The following PDE4C variants were observed in gnomAD, a reference collection of about 807,000 sequenced individuals.
The protein encoded by PDE4C is 3',5'-cyclic-AMP phosphodiesterase 4C.
In PDE4C, 50 loss-of-function variants were observed where a neutral mutation model predicts 63.9. The observed-to-expected ratio is 0.78, with a 90% CI of 0.62 to 0.99. The LOEUF is 0.99. Ranked by LOEUF, PDE4C falls within the 50% of genes least tolerant of loss-of-function variation. The probability of loss-of-function intolerance (pLI) is 0.00; values close to 1 mark genes in which losing one functional copy is unlikely to be tolerated. For synonymous variants in PDE4C, 377 were observed against 385.1 expected, an observed-to-expected ratio of 0.98 and a Z score of 0.25; for missense variants, 777 against 899.1, an observed-to-expected ratio of 0.86 and a Z score of 1.74.
chr19:18,249,231 A>T (rs1048071831), upstream of PDE4C, among the ~76,000 whole-genome samples: 2 of 152,098 alleles, frequency 1.3e-5, no homozygotes, highest in Admixed American at 1.3e-4. Context: ...AGCTTCTCAA[A>T]GTGCTGAGAT....
At chr19:18,211,650 A>T (rs1294154473) in intron 14 of PDE4C, 109 bp downstream of exon 14, 6 of 1,274,058 alleles carry the variant, frequency 4.7e-6, no homozygotes, top group Non-Finnish European at 3.4e-6. Context: ...CCCTTCAGGC[A>T]CACTCCCTGG....
At chr19:18,242,460 AG>A (rs1191802938) in intron 1 of PDE4C, among the ~76,000 whole-genome samples, 2 of 96,470 alleles carry the variant, frequency 2.1e-5, no homozygotes, top group South Asian at 3.8e-4. Flanking sequence ...TGGGCAACAA[AG>A]GGAGACTCCA....
At chr19:18,255,302 C>T in the PDE4C span, 12 of 399,246 alleles carry the variant, frequency 3.0e-5, no homozygotes, top group South Asian at 1.3e-4. The surrounding 1 kb of genome is among the most constrained non-coding windows in gnomAD (Gnocchi z 4.6). Context: ...GCTGGGGGCA[C>T]GCCATTCCTG....
In PDE4C at chr19:18,220,714, A is replaced by G. The variant is rs1286645021; in HGVS notation, c.499+160T>C. On this transcript the variant is annotated intron_variant, in intron 5 of 14. Coordinates refer to ENST00000262805, the Ensembl canonical transcript of PDE4C. The surrounding 1 kb of genome is among the most constrained non-coding windows in gnomAD (Gnocchi z 5.1). ...CTGGGCCTCAGCCTCCTCATCTGTA[A>G]TATGAGTGTGGTGGGGTCCATCCCC... The G allele has an allele frequency of 2.5e-6, 2 of 808,252 alleles. No homozygotes were observed. The highest frequency in any genetic ancestry group is 4.1e-6 in the Non-Finnish European group (2 of 489,410). 50.1% of individuals were successfully genotyped at this position (808,252 alleles called of 1,614,324 possible).
Position 18,222,376 on chromosome 19 carries a change from G to A in PDE4C, c.147-53C>T, listed in dbSNP as rs923748353. On this transcript the variant is annotated intron_variant, in intron 1 of 14. Transcript: ENST00000262805. Reference sequence around the variant, plus strand: ...ACGAGGGTCATGACAACTGGGTGCCGGGTCGTGGCCACCTTGTCTGGTGCG... The same window carrying A: ...ACGAGGGTCATGACAACTGGGTGCCAGGTCGTGGCCACCTTGTCTGGTGCG... 90 of 1,530,990 alleles carry A rather than the reference G, an allele frequency of 5.9e-5. No individual in the cohort carries two copies. In the Admixed American group the frequency reaches 8.2e-4, roughly 14 times the overall value. The allele number at this position is 1,530,990 out of a possible 1,614,324, so 94.8% of individuals were successfully genotyped here. A position where few individuals can be genotyped will look rare whatever the true frequency, so the allele number is the denominator to read the frequency against.
At chr19:18,223,918 C>G (rs1442103197) in intron 1 of PDE4C, among the ~76,000 whole-genome samples, 1 of 152,224 alleles carries the variant, frequency 6.6e-6, no homozygotes, top group Non-Finnish European at 1.5e-5. Flanking sequence ...TGCCACGCCC[C>G]CAGCGTTCCA....
chr19:18,250,648 C>A (rs1969219846), upstream of PDE4C, among the ~76,000 whole-genome samples: 1 of 152,026 alleles, frequency 6.6e-6, no homozygotes, highest in Non-Finnish European at 1.5e-5. Context: ...ACTCTGTCAC[C>A]CAGGCTGGAG....
upstream of PDE4C, chr19:18,250,254 A>G (rs915984050): frequency 1.1e-4 from 42 of 398,910 alleles, no homozygotes; most frequent in Non-Finnish European, 7.1e-5. Flanking sequence ...TTGGGATAGC[A>G]GCTCCCCCAA....
At chr19:18,215,539 C>T (rs530383740) in intron 12 of PDE4C, among the ~76,000 whole-genome samples, 1 of 150,696 alleles carries the variant, frequency 6.6e-6, no homozygotes, top group East Asian at 1.9e-4. Flanking sequence ...TTTTTTGAGA[C>T]AGAGTCTTGC....
chr19:18,234,390 CT>C (rs1050802349), upstream of PDE4C: 4 of 152,364 alleles, frequency 2.6e-5, no homozygotes, highest in African/African-American at 9.7e-5. Context: ...AGGCCTGCCC[CT>C]CCCTCCCAGT....
Position 18,221,089 on chromosome 19 carries a change from C to T in PDE4C, c.449+16G>A, listed in dbSNP as rs1208328661. Reference sequence around the variant, plus strand: ...TCTGCCGGCCCCGCCCCCGCCCCGCCCCGCCCTCTACCTACTTGGCTGCTC... The same window carrying T: ...TCTGCCGGCCCCGCCCCCGCCCCGCTCCGCCCTCTACCTACTTGGCTGCTC... On this transcript the variant is annotated intron_variant, in intron 4 of 14. Coordinates refer to ENST00000262805, the Ensembl canonical transcript of PDE4C. The T allele has an allele frequency of 5.8e-6, 9 of 1,550,216 alleles. No homozygotes were observed. Among genetic ancestry groups the T allele is most frequent in the Non-Finnish European group, 7.9e-6 (9 of 1,143,902 alleles).
chr19:18,210,462 C>T (rs1466115464), downstream of PDE4C: 1 of 152,944 alleles, frequency 6.5e-6, no homozygotes, highest in Non-Finnish European at 1.5e-5. Flanking sequence ...TAGAGGAAGA[C>T]AGGGAGATGC....
chr19:18,248,478 C>T (rs117385863), upstream of PDE4C, among the ~76,000 whole-genome samples: 7,037 of 150,422 alleles, frequency 0.047, 241 homozygotes, highest in Non-Finnish European at 0.072. Context: ...GGAAGGGAGG[C>T]GTAGGAGTGA....
At chr19:18,221,064 T>G in intron 4 of PDE4C, 41 bp downstream of exon 4, 1 of 713,520 alleles carries the variant, frequency 1.4e-6, no homozygotes, top group Non-Finnish European at 1.9e-6. Flanking sequence ...CCACCTTGTC[T>G]CTGCCGGCCC....
At chr19:18,221,049 T>TCCGCCAGGCCCCGTCCCACC in intron 4 of PDE4C, 56 bp downstream of exon 4, 6 of 1,239,970 alleles carry the variant, frequency 4.8e-6, no homozygotes, top group Non-Finnish European at 4.6e-6. Context: ...CAGCCCGCTT[T>TCCGCCAGGCCCCGTCCCACC]CCGCCCACCT....
chr19:18,249,803 G>A (rs1315340442), upstream of PDE4C: 47 of 238,304 alleles, frequency 2.0e-4, 1 homozygote, highest in East Asian at 3.8e-3. Context: ...AAACTCCTAA[G>A]CTCAGGAGAT....
At chr19:18,224,093 C>G (rs1029923929) in intron 1 of PDE4C, 6 of 582,134 alleles carry the variant, frequency 1.0e-5, no homozygotes, top group Non-Finnish European at 1.3e-5. Context: ...TGCTTTCTGC[C>G]CGGCCCACCC....
upstream of PDE4C, among the ~76,000 whole-genome samples, chr19:18,252,810 C>A (rs900944862): frequency 4.6e-5 from 7 of 152,156 alleles, no homozygotes; most frequent in Non-Finnish European, 1.0e-4. Flanking sequence ...TTTCACTGTG[C>A]TGGCCAGATT....
At chr19:18,212,045 G>C in intron 13 of PDE4C, 104 bp from the exon 14 acceptor site, 1 of 1,150,692 alleles carries the variant, frequency 8.7e-7, no homozygotes, top group Admixed American at 2.1e-5. Flanking sequence ...CATCTTACAG[G>C]TGGGGAAACT....
Sources: allele counts gnomAD v4.1 joint callset (sites outside exome capture counted in the v4.1 genomes callset), GRCh38; gene constraint gnomAD v4.1.1; non-coding constraint Gnocchi (gnomAD v3.1); transcripts MANE v1.5; gene names NCBI Gene and HGNC (gene_info 2026-07-23, HGNC 2026-07-21).